ACYP2: variants seen among roughly 807,000 people sequenced by gnomAD.
ACYP2 encodes the protein acylphosphatase-2.
A neutral mutation model predicts 11.2 loss-of-function variants in ACYP2; 12 were observed. The observed-to-expected ratio is 1.08, with a 90% CI of 0.69 to 1.74. The LOEUF is 1.74. Ranked by LOEUF, ACYP2 falls within the 40% of genes most tolerant of loss-of-function variation. The pLI, the probability that ACYP2 is intolerant of heterozygous loss-of-function variation, is 0.00. For synonymous variants in ACYP2, 43 were observed against 32.2 expected (o/e 1.33, Z -1.13); for missense variants, 134 against 101.9 (o/e 1.31, Z -1.35).
intron 2 of ACYP2, among the ~76,000 whole-genome samples, chr2:53,990,688 C>A (rs1215787174): frequency 6.6e-6 from 1 of 150,410 alleles, no homozygotes; most frequent in Non-Finnish European, 1.5e-5. Context: ...GAAAAAGAAT[C>A]CTCACTTTCA....
chr2:54,223,535 T>C (rs1685885586), intron 6 of ACYP2, among the ~76,000 whole-genome samples: 1 of 152,224 alleles, frequency 6.6e-6, no homozygotes. Flanking sequence ...ATTTAGACAC[T>C]GCTATAAATT....
At chr2:54,156,192 T>A (rs959708912) in intron 6 of ACYP2, among the ~76,000 whole-genome samples, 1 of 152,164 alleles carries the variant, frequency 6.6e-6, no homozygotes, top group South Asian at 2.1e-4. Context: ...AATATTTGCT[T>A]ATTAATTTTG....
intron 4 of ACYP2, among the ~76,000 whole-genome samples, chr2:54,111,279 C>T (rs1474071211): frequency 6.6e-6 from 1 of 152,066 alleles, no homozygotes; most frequent in Non-Finnish European, 1.5e-5. Flanking sequence ...TTTGAATATT[C>T]ACCATTCCCA....
chr2:54,108,378 T>C (rs369516436), intron 4 of ACYP2, among the ~76,000 whole-genome samples: 6 of 152,156 alleles, frequency 3.9e-5, no homozygotes, highest in African/African-American at 1.4e-4. Flanking sequence ...AGTAGATGAG[T>C]TATTTTAAAG....
chr2:54,250,882 T>C (rs771606696), intron 6 of ACYP2, among the ~76,000 whole-genome samples: 7 of 152,214 alleles, frequency 4.6e-5, no homozygotes, highest in Non-Finnish European at 1.0e-4. Flanking sequence ...TTGTTTGAAA[T>C]TGTTTTTATC....
chr2:54,177,932 TC>T (rs1683538516), intron 6 of ACYP2, among the ~76,000 whole-genome samples: 2 of 142,750 alleles, frequency 1.4e-5, no homozygotes, highest in Admixed American at 1.4e-4. Flanking sequence ...TGAGATGGAG[TC>T]TCGCCCTGTT....
intron 2 of ACYP2, chr2:53,973,897 G>A (rs865964393): frequency 0.37 from 29,367 of 79,378 alleles, 4,638 homozygotes; most frequent in South Asian, 0.52. Context: ...GTGTGTGTGT[G>A]TGTGTATATA....
intron 6 of ACYP2, among the ~76,000 whole-genome samples, chr2:54,250,926 G>A (rs1340193090): frequency 6.6e-6 from 1 of 152,152 alleles, no homozygotes; most frequent in Non-Finnish European, 1.5e-5. Flanking sequence ...CCTCAAAGAG[G>A]GAGGCCTGAA....
intron 4 of ACYP2, among the ~76,000 whole-genome samples, chr2:54,058,966 C>A (rs1020382593): frequency 1.3e-5 from 2 of 152,024 alleles, no homozygotes; most frequent in Admixed American, 1.3e-4. Context: ...GCTAGCATGT[C>A]TCTGGTCACG....
chr2:54,012,709 G>A (rs1673441220), intron 2 of ACYP2, among the ~76,000 whole-genome samples: 1 of 152,114 alleles, frequency 6.6e-6, no homozygotes, highest in Non-Finnish European at 1.5e-5. Flanking sequence ...GTCTGGCGCG[G>A]GTTGTTTCCC....
intron 6 of ACYP2, among the ~76,000 whole-genome samples, chr2:54,233,356 G>A (rs934560673): frequency 6.7e-6 from 1 of 149,058 alleles, no homozygotes; most frequent in Non-Finnish European, 1.5e-5. Flanking sequence ...GCCCAAGCTG[G>A]AGTGCAGTGG....
At chr2:53,971,919 G>A (rs1432758066) in intron 1 of ACYP2, among the ~76,000 whole-genome samples, 1 of 152,228 alleles carries the variant, frequency 6.6e-6, no homozygotes, top group African/African-American at 2.4e-5. Context: ...ATGAGACTGA[G>A]AAGGCAATCC....
intron 2 of ACYP2, among the ~76,000 whole-genome samples, chr2:53,976,162 G>A (rs1671474507): frequency 6.6e-6 from 1 of 152,120 alleles, no homozygotes; most frequent in African/African-American, 2.4e-5. Flanking sequence ...ATATACTTGG[G>A]GCTAGAGATA....
At chr2:54,005,848 T>C (rs1306898754) in intron 2 of ACYP2, among the ~76,000 whole-genome samples, 1 of 152,230 alleles carries the variant, frequency 6.6e-6, no homozygotes, top group East Asian at 1.9e-4. Flanking sequence ...AATCAGTTGG[T>C]TAAAAATCAC....
At chr2:54,150,653 C>T (rs922012914) in intron 6 of ACYP2, among the ~76,000 whole-genome samples, 11 of 152,110 alleles carry the variant, frequency 7.2e-5, no homozygotes, top group Admixed American at 1.3e-4. Flanking sequence ...AATTCCTGAC[C>T]TGGGGTGATC....
At chr2:54,181,017 A>G (rs1304030157) in intron 6 of ACYP2, among the ~76,000 whole-genome samples, 6 of 152,206 alleles carry the variant, frequency 3.9e-5, no homozygotes, top group Admixed American at 3.9e-4. Flanking sequence ...AGACCATAGC[A>G]GATCTCTTTA....
chr2:54,180,084 C>A (rs1683641780), intron 6 of ACYP2, among the ~76,000 whole-genome samples: 1 of 152,048 alleles, frequency 6.6e-6, no homozygotes, highest in African/African-American at 2.4e-5. Flanking sequence ...AACTTGGAAA[C>A]TTACATTTAC....
intron 6 of ACYP2, among the ~76,000 whole-genome samples, chr2:54,160,342 A>G (rs774866001): frequency 1.3e-5 from 2 of 152,194 alleles, no homozygotes; most frequent in Non-Finnish European, 2.9e-5. Flanking sequence ...AGCTGGCAGC[A>G]CACTTCTATG....
intron 4 of ACYP2, among the ~76,000 whole-genome samples, chr2:54,084,337 C>G (rs904205200): frequency 6.6e-6 from 1 of 152,150 alleles, no homozygotes; most frequent in African/African-American, 2.4e-5. Context: ...CTCTGTCGTC[C>G]AGGCTGGAGT....
Sources: gnomAD v4.1 joint callset for allele counts (sites outside exome capture counted in the v4.1 genomes callset) on GRCh38, gnomAD v4.1.1 for gene constraint, MANE v1.5 for transcripts, NCBI Gene and HGNC (gene_info 2026-07-23, HGNC 2026-07-21) for gene names.